MARCHF1: variants seen among roughly 807,000 people sequenced by gnomAD.
The protein encoded by MARCHF1 is membrane associated ring-CH-type finger 1.
Under a neutral mutation model 54.2 loss-of-function variants are expected in MARCHF1, and 40 were observed. That is an observed-to-expected ratio of 0.74 (90% CI 0.57 to 0.96). The LOEUF (loss-of-function observed/expected upper bound fraction) is 0.96. MARCHF1 is among the 40% of genes least tolerant of loss of function. The pLI is 0.00. For synonymous variants in MARCHF1, 236 were observed against 236.3 expected, an observed-to-expected ratio of 1.00 and a Z score of 0.01; for missense variants, 586 against 656.5, an observed-to-expected ratio of 0.89 and a Z score of 1.17.
chr4:163,584,115 A>G (rs987080532), intron 8 of MARCHF1: 2 of 150,704 alleles, frequency 1.3e-5, no homozygotes, highest in Non-Finnish European at 2.9e-5. Flanking sequence ...AGGGTATACT[A>G]GATACTACAA....
At chr4:163,749,860 G>C (rs1266802639) in intron 4 of MARCHF1, among the ~76,000 whole-genome samples, 1 of 151,756 alleles carries the variant, frequency 6.6e-6, no homozygotes, top group African/African-American at 2.4e-5. Flanking sequence ...TGAGGAGTTT[G>C]AGACCAGCCA....
chr4:163,741,153 A>G (rs1160673603), intron 4 of MARCHF1, among the ~76,000 whole-genome samples: 1 of 152,236 alleles, frequency 6.6e-6, no homozygotes, highest in Non-Finnish European at 1.5e-5. Context: ...TGGGTAAATA[A>G]TTTAAAATCA....
chr4:163,858,333 T>C (rs1749826803), intron 3 of MARCHF1, among the ~76,000 whole-genome samples: 1 of 152,298 alleles, frequency 6.6e-6, no homozygotes, highest in African/African-American at 2.4e-5. Flanking sequence ...AAAATGCAGT[T>C]GCCTACCTCT....
intron 1 of MARCHF1, among the ~76,000 whole-genome samples, chr4:164,248,458 G>A (rs969422733): frequency 6.6e-6 from 1 of 151,976 alleles, no homozygotes; most frequent in Non-Finnish European, 1.5e-5. Context: ...AGGATTATTA[G>A]TATTATGATT....
At chr4:164,221,419 A>G (rs943837554) in intron 1 of MARCHF1, among the ~76,000 whole-genome samples, 2 of 152,066 alleles carry the variant, frequency 1.3e-5, no homozygotes, top group Non-Finnish European at 2.9e-5. Flanking sequence ...AAATACTCAG[A>G]AAAAGTAACT....
At chr4:164,219,913 G>A (rs941416482) in intron 1 of MARCHF1, among the ~76,000 whole-genome samples, 11 of 151,774 alleles carry the variant, frequency 7.2e-5, no homozygotes, top group South Asian at 2.1e-4. Flanking sequence ...TATAGCCCTG[G>A]ACCCAGACAC....
intron 4 of MARCHF1, among the ~76,000 whole-genome samples, chr4:163,721,864 C>G (rs1170707922): frequency 6.6e-6 from 1 of 152,116 alleles, no homozygotes; most frequent in South Asian, 2.1e-4. Context: ...TTCTGTGGGA[C>G]CGGTGGTGAC....
chr4:163,700,942 A>G (rs1744793641), intron 4 of MARCHF1, 79 bp from the exon 5 acceptor site: 11 of 959,734 alleles, frequency 1.1e-5, no homozygotes, highest in Non-Finnish European at 1.8e-5. Context: ...AAGAGAAACC[A>G]CAGCACAAGG....
intron 5 of MARCHF1, among the ~76,000 whole-genome samples, chr4:163,627,785 A>C (rs1434244269): frequency 1.3e-5 from 2 of 152,184 alleles, no homozygotes; most frequent in Non-Finnish European, 2.9e-5. Context: ...CCACACAATT[A>C]TGGTCAATTA....
At chr4:164,358,287 A>G (rs1730620660) in intron 1 of MARCHF1, among the ~76,000 whole-genome samples, 1 of 152,172 alleles carries the variant, frequency 6.6e-6, no homozygotes, top group South Asian at 2.1e-4. Flanking sequence ...GATACAGGTC[A>G]TAAAGGGGAA....
At chr4:163,761,872 A>C (rs1361940727) in intron 4 of MARCHF1, among the ~76,000 whole-genome samples, 1 of 152,196 alleles carries the variant, frequency 6.6e-6, no homozygotes, top group Non-Finnish European at 1.5e-5. Flanking sequence ...GTATTTGTTT[A>C]CTGAAATAGA....
At chr4:163,757,648 T>C (rs997353860) in intron 4 of MARCHF1, among the ~76,000 whole-genome samples, 11 of 152,258 alleles carry the variant, frequency 7.2e-5, no homozygotes, top group Non-Finnish European at 1.3e-4. Flanking sequence ...AGAAACACCA[T>C]AGAAACACAA....
intron 4 of MARCHF1, among the ~76,000 whole-genome samples, chr4:163,849,356 GCCA>G (rs1341885020): frequency 2.5e-5 from 1 of 39,306 alleles, no homozygotes; most frequent in African/African-American, 4.2e-5. Context: ...ATAATAATCA[GCCA>G]CCATCATTAT....
At chr4:163,636,821 C>A (rs1742346620) in intron 5 of MARCHF1, among the ~76,000 whole-genome samples, 1 of 152,176 alleles carries the variant, frequency 6.6e-6, no homozygotes, top group Non-Finnish European at 1.5e-5. Context: ...AAGCTGGAGG[C>A]ATCACACTAC....
chr4:164,085,968 G>C (rs1451291513), intron 2 of MARCHF1, among the ~76,000 whole-genome samples: 1 of 151,446 alleles, frequency 6.6e-6, no homozygotes. Flanking sequence ...GTACAGAAAT[G>C]GGGGGGTTAT....
chr4:163,946,580 T>C (rs555509196), intron 3 of MARCHF1, among the ~76,000 whole-genome samples: 1 of 152,332 alleles, frequency 6.6e-6, no homozygotes, highest in South Asian at 2.1e-4. Flanking sequence ...CAATTTCTAA[T>C]GAAATTAGTT....
chr4:164,274,832 A>G (rs1733836497), intron 1 of MARCHF1, among the ~76,000 whole-genome samples: 2 of 150,964 alleles, frequency 1.3e-5, no homozygotes. Flanking sequence ...GCCCGCCACT[A>G]TGCCCTGCTA....
intron 1 of MARCHF1, among the ~76,000 whole-genome samples, chr4:164,184,711 T>G (rs1188747655): frequency 6.6e-6 from 1 of 152,200 alleles, no homozygotes; most frequent in Non-Finnish European, 1.5e-5. Flanking sequence ...CTCCCAATGT[T>G]GACCTGACCA....
At chr4:164,059,585 T>C (rs781519372) in intron 2 of MARCHF1, among the ~76,000 whole-genome samples, 1 of 152,212 alleles carries the variant, frequency 6.6e-6, no homozygotes, top group Non-Finnish European at 1.5e-5. Flanking sequence ...TTGTGTATCA[T>C]CAAACTTAGC....
Sources: gnomAD v4.1 joint callset for allele counts (sites outside exome capture counted in the v4.1 genomes callset) on GRCh38, gnomAD v4.1.1 for gene constraint, MANE v1.5 for transcripts, NCBI Gene and HGNC (gene_info 2026-07-23, HGNC 2026-07-21) for gene names.